PRKDC: variants seen among roughly 807,000 people sequenced by gnomAD.
The protein encoded by PRKDC is DNA-dependent protein kinase catalytic subunit.
In PRKDC, 82 loss-of-function variants were observed where a neutral mutation model predicts 486.9. That is an observed-to-expected ratio of 0.17 (90% CI 0.14 to 0.20). The LOEUF (loss-of-function observed/expected upper bound fraction) is 0.20. Among genes scored for constraint, PRKDC ranks in the 10% least tolerant of loss-of-function variants. The pLI, the probability that PRKDC is intolerant of heterozygous loss-of-function variation, is 1.00. For missense variants in PRKDC, 4,504 were observed against 5,038.2 expected (o/e 0.89, Z 3.21); for synonymous variants, 1,895 against 1,837.0 (o/e 1.03, Z -0.81).
At position 47,854,872 on chromosome 8, in the gene PRKDC, G is replaced by C. The variant is rs2088496739; in HGVS notation, c.6761+350C>G. On this transcript the variant is annotated intron_variant, in intron 50 of 85. Coordinates refer to ENST00000314191, the MANE Select transcript of PRKDC (RefSeq NM_006904.7). ...TATTTGCCTAAATTCTCCCTTAGTT[G>C]ATAGCAAAACTTTTTGGAAGTTTTA... Among the ~76,000 whole-genome samples the C allele has an allele frequency of 2.6e-5, 4 of 152,012 alleles. No homozygotes were observed. The South Asian group carries it at 6.2e-4, about 24-fold the overall frequency.
At chr8:47,934,148 T>C in intron 14 of PRKDC, 58 bp from the exon 15 acceptor site, 1 of 1,514,556 alleles carries the variant, frequency 6.6e-7, no homozygotes, top group South Asian at 1.3e-5. Flanking sequence ...GCAGCACTGC[T>C]GCCAGAACAT....
chr8:47,910,209 G>C (rs1176433113), intron 25 of PRKDC, among the ~76,000 whole-genome samples: 2 of 151,956 alleles, frequency 1.3e-5, no homozygotes, highest in Non-Finnish European at 2.9e-5. Flanking sequence ...ATTCCTCTTA[G>C]TTATTTTCCA....
intron 54 of PRKDC, among the ~76,000 whole-genome samples, chr8:47,840,726 T>G (rs1411486484): frequency 6.6e-6 from 1 of 152,254 alleles, no homozygotes; most frequent in Non-Finnish European, 1.5e-5. Flanking sequence ...ATCTATTTCC[T>G]TATTTTGACT....
chr8:47,954,189 T>G, intron 5 of PRKDC, 149 bp downstream of exon 5: 1 of 463,318 alleles, frequency 2.2e-6, no homozygotes, highest in Non-Finnish European at 3.7e-6. Context: ...CACATGTTGT[T>G]TTTGTTTGGT....
Position 47,864,623 on chromosome 8 carries a change from G to C in PRKDC, c.5504C>G (p.Ala1835Gly). The change falls in exon 41 of 86, where the codon GCT becomes GGT. Residue 1835 changes from alanine (A) to glycine (G), a missense_variant. Ala to Gly is a moderately conservative substitution (Grantham distance 60). Coordinates refer to ENST00000314191, the MANE Select transcript of PRKDC (RefSeq NM_006904.7). ...AATTGTGCTGAAGAATTCTCTCAAA[G>C]CATCCAGGCTACAGTGCCACAGCAG... ...LTLLWHCSLD[A>G]LREFFSTIVV... 1 of 1,609,872 alleles carries C rather than the reference G, an allele frequency of 6.2e-7. No individual in the cohort carries two copies. Among genetic ancestry groups the C allele is most frequent in the Non-Finnish European group, 8.5e-7 (1 of 1,178,226 alleles).
At chr8:47,956,137 C>T (rs939891645) in intron 3 of PRKDC, among the ~76,000 whole-genome samples, 189 bp from the exon 4 acceptor site, 3 of 151,876 alleles carry the variant, frequency 2.0e-5, no homozygotes, top group African/African-American at 7.3e-5. Flanking sequence ...CGGAGGTAGG[C>T]GATCACCTGA....
chr8:47,903,073 A>T (rs1197895400), intron 26 of PRKDC, among the ~76,000 whole-genome samples: 1 of 152,228 alleles, frequency 6.6e-6, no homozygotes, highest in Admixed American at 6.5e-5. Context: ...TAATTATAAC[A>T]AAACAATCTT....
chr8:47,830,582 A>C, intron 61 of PRKDC, 23 bp downstream of exon 61: 2 of 1,609,092 alleles, frequency 1.2e-6, no homozygotes, highest in Non-Finnish European at 1.7e-6. Context: ...CTGTCAACAG[A>C]AAACGCAGCG....
chr8:47,914,044 T>C lies in PRKDC; in HGVS notation c.2638A>G (p.Met880Val), dbSNP rs778352505. 4 of 1,554,240 alleles carry C rather than the reference T, an allele frequency of 2.6e-6. No homozygotes were observed. The African/African-American group carries it at 4.1e-5, about 16-fold the overall frequency. The part of the protein sequence containing the change: ...LLTVTSSDEM[M>V]KSYVAWDREK... ...CTGTCCCAGGCCACATAGCTCTTCA[T>C]CATCTCATCTGAGGACGTGACTGTT... Residue 880 changes from methionine (M) to valine (V), a missense_variant, in exon 24 of 86, where the codon ATG becomes GTG. Around this residue, in one of 6 missense-constraint regions of PRKDC, gnomAD observed 1,969 missense variants for 2,068.9 expected, o/e 0.95. Coordinates refer to ENST00000314191, the MANE Select transcript of PRKDC (RefSeq NM_006904.7).
intron 69 of PRKDC, among the ~76,000 whole-genome samples, chr8:47,806,155 G>C (rs2087212213): frequency 6.6e-6 from 1 of 152,154 alleles, no homozygotes; most frequent in Non-Finnish European, 1.5e-5. Context: ...GCGCCCTCCA[G>C]GCTTTGCTGA....
Position 47,950,623 on chromosome 8 carries a change from C to T in PRKDC, c.721+2997G>A, listed in dbSNP as rs550483207. On this transcript the variant is annotated intron_variant, in intron 7 of 85. Transcript: ENST00000314191. Reference sequence around the variant, plus strand: ...CAGCCTGGGCGACAGAGCAAGACTCCGGAAAAAAAAAAAAAAAAAAGATTA... The same window carrying T: ...CAGCCTGGGCGACAGAGCAAGACTCTGGAAAAAAAAAAAAAAAAAAGATTA... 5.1e-3 allele frequency among the ~76,000 whole-genome samples: 699 copies of T among 138,388 alleles called. 8 individuals are homozygous for T. Among genetic ancestry groups the T allele is most frequent in the South Asian group, 9.1e-3 (40 of 4,372 alleles). 90.8% of individuals were successfully genotyped at this position (138,388 alleles called of 152,430 possible).
At chr8:47,873,634 T>C (rs2089013020) in intron 40 of PRKDC, among the ~76,000 whole-genome samples, 1 of 151,946 alleles carries the variant, frequency 6.6e-6, no homozygotes, top group Non-Finnish European at 1.5e-5. Flanking sequence ...AACAGACAAA[T>C]GGATAAAGAA....
Position 47,957,274 on chromosome 8 carries a change from A to T in PRKDC, c.232-11T>A. 6.3e-7 allele frequency: 1 copy of T among 1,586,030 alleles called. No homozygotes were observed. The highest frequency in any genetic ancestry group is 8.6e-7 in the Non-Finnish European group (1 of 1,157,612). ...TCTACATTCACGAAACTGTAATGAAAGAGATACATATTGTAAATATGGGTA... is the reference window on the plus strand; with the variant it reads ...TCTACATTCACGAAACTGTAATGAATGAGATACATATTGTAAATATGGGTA... On this transcript the variant is annotated splice_polypyrimidine_tract_variant and intron_variant, in intron 2 of 85. Coordinates refer to ENST00000314191, the MANE Select transcript of PRKDC (RefSeq NM_006904.7).
At position 47,857,188 on chromosome 8, in the gene PRKDC, T is replaced by C. The variant is rs759652590; in HGVS notation, c.6577A>G (p.Ile2193Val). 9.9e-6 allele frequency: 16 copies of C among 1,613,838 alleles called. No homozygotes were observed. Among genetic ancestry groups the C allele is most frequent in the Admixed American group, 3.3e-5 (2 of 59,986 alleles). ...HYMVVEIVAT[I>V]LSWTGLATPT... is the part of the protein sequence containing the mutation. The stretch of plus-strand genomic sequence containing the variant: ...GTGGCCAAGCCTGTCCATGAAAGAA[T>C]AGTGGCCACTATCTCAACCACCATG... Residue 2193 changes from isoleucine to valine, a missense_variant, in exon 49 of 86, where the codon ATT becomes GTT. By Grantham distance (29) the Ile-to-Val change is conservative. This residue lies in a region of PRKDC where 1,592 missense variants were observed against 1,724.6 expected (regional missense o/e 0.92). Transcript: ENST00000314191.
intron 21 of PRKDC, among the ~76,000 whole-genome samples, chr8:47,925,203 A>G (rs977765349): frequency 1.3e-5 from 2 of 152,244 alleles, no homozygotes; most frequent in African/African-American, 4.8e-5. Flanking sequence ...GCCTCAAATT[A>G]CTAACTCACA....
intron 12 of PRKDC, 141 bp downstream of exon 12, chr8:47,936,212 T>A: frequency 1.0e-6 from 1 of 960,662 alleles, no homozygotes; most frequent in South Asian, 2.2e-5. Flanking sequence ...ATGACAATAA[T>A]TCTATTGCCA....
chr8:47,897,146 T>A lies in PRKDC; in HGVS notation c.3598+15A>T, dbSNP rs1227989815. 1 of 1,578,656 alleles carries A rather than the reference T, an allele frequency of 6.3e-7. No homozygotes were observed. Among genetic ancestry groups the A allele is most frequent in the Admixed American group, 1.7e-5 (1 of 59,012 alleles). On this transcript the variant is annotated intron_variant, in intron 30 of 85. Transcript: ENST00000314191. ...AAGCACCGTGGTGAAATTAAAGATA[T>A]ACAGATTACCATACCTGGCAATAAA...
chr8:47,950,651 T>G (rs904449602), intron 7 of PRKDC, among the ~76,000 whole-genome samples: 1 of 151,702 alleles, frequency 6.6e-6, no homozygotes, highest in Non-Finnish European at 1.5e-5. Context: ...AAAGATTATT[T>G]CAGGATAAAA....
rs557596353 is a variant in PRKDC, at chr8:47,857,655, G to C, written c.6466-356C>G. Among the ~76,000 whole-genome samples the C allele has an allele frequency of 2.0e-5, 3 of 152,240 alleles. No homozygotes were observed. In the East Asian group the frequency reaches 5.8e-4, roughly 29 times the overall value. On this transcript the variant is annotated intron_variant, in intron 48 of 85. Coordinates refer to ENST00000314191, the MANE Select transcript of PRKDC (RefSeq NM_006904.7). ...AAGGAACCAACCCTGCCAGCAGCTT[G>C]ATCTCAGGCCACGGCTGTCTGAGTC...
Sources: allele counts gnomAD v4.1 joint callset (sites outside exome capture counted in the v4.1 genomes callset), GRCh38; gene constraint gnomAD v4.1.1; regional missense constraint gnomAD v4.1.1; transcripts MANE v1.5; gene names NCBI Gene and HGNC (gene_info 2026-07-23, HGNC 2026-07-21).